The following TPD52 variants were observed in gnomAD, a reference collection of about 807,000 sequenced individuals.
TPD52 encodes tumor protein D52.
TPD52 carries 17 observed loss-of-function variants against 31.3 expected under a neutral mutation model. The observed-to-expected ratio is 0.54, with a 90% CI of 0.37 to 0.82. The LOEUF (loss-of-function observed/expected upper bound fraction) is 0.82, where lower values mean the gene tolerates loss of function less well. TPD52 is among the 40% of genes least tolerant of loss of function. The probability of loss-of-function intolerance (pLI) is 0.00; values close to 1 mark genes in which losing one functional copy is unlikely to be tolerated. For synonymous variants in TPD52, 83 were observed against 89.6 expected (o/e 0.93, Z 0.42); for missense variants, 212 against 240.1 (o/e 0.88, Z 0.77).
intron 1 of TPD52, among the ~76,000 whole-genome samples, chr8:80,069,203 C>A (rs1249670509): frequency 6.6e-6 from 1 of 152,202 alleles, no homozygotes; most frequent in Non-Finnish European, 1.5e-5. Flanking sequence ...GTGGTTCATA[C>A]CTGTAATCCC....
rs1810030279 is a variant in TPD52, at chr8:80,038,057, A to T, written c.*59T>A. ...ATTCATGGCAATGCATGTTGACAAG[A>T]TGTGCTTGGACCTCGCTTGCAGCAT... On this transcript the variant is annotated 3_prime_UTR_variant, in exon 8 of 8. Coordinates refer to ENST00000518937, the MANE Select transcript of TPD52 (RefSeq NM_001025253.3). 6.3e-7 allele frequency: 1 copy of T among 1,590,032 alleles called. No homozygotes were observed. Among genetic ancestry groups the T allele is most frequent in the Non-Finnish European group, 8.6e-7 (1 of 1,163,336 alleles).
intron 5 of TPD52, 42 bp from the exon 6 acceptor site, chr8:80,044,250 T>C (rs780719317): frequency 6.8e-7 from 1 of 1,463,142 alleles, no homozygotes; most frequent in Non-Finnish European, 9.2e-7. Flanking sequence ...AAGGTTAGTA[T>C]AGTGGTGCTT....
chr8:80,149,303 C>T (rs1033286421), intron 1 of TPD52, among the ~76,000 whole-genome samples: 6 of 152,202 alleles, frequency 3.9e-5, no homozygotes, highest in Non-Finnish European at 7.3e-5. Context: ...CCCCTGCACA[C>T]GCTCTCCTTG....
chr8:80,155,517 G>A (rs181741119), intron 1 of TPD52, among the ~76,000 whole-genome samples: 2 of 152,268 alleles, frequency 1.3e-5, no homozygotes, highest in Admixed American at 1.3e-4. Context: ...AGTGGAGGGG[G>A]ACTCGAGGCA....
chr8:80,067,761 A>G (rs16907430), intron 1 of TPD52, among the ~76,000 whole-genome samples: 6,449 of 151,724 alleles, frequency 0.043, 330 homozygotes, highest in African/African-American at 0.12. Context: ...AGAAGCAATA[A>G]TAAGACCCTA....
chr8:80,128,660 CAAATA>C (rs925375837), intron 1 of TPD52, among the ~76,000 whole-genome samples: 8 of 150,188 alleles, frequency 5.3e-5, no homozygotes, highest in Non-Finnish European at 1.0e-4. Context: ...GGCCCTGTCT[CAAATA>C]AAATAAAATA....
intron 1 of TPD52, among the ~76,000 whole-genome samples, chr8:80,090,301 G>C (rs1393792158): frequency 6.6e-6 from 1 of 152,140 alleles, no homozygotes; most frequent in Non-Finnish European, 1.5e-5. Context: ...CAGGAGGCTG[G>C]GTCAGAAGGG....
intron 1 of TPD52, among the ~76,000 whole-genome samples, chr8:80,114,180 A>G (rs115840793): frequency 0.022 from 3,285 of 152,250 alleles, 125 homozygotes; most frequent in African/African-American, 0.075. Flanking sequence ...TGGAGACTGC[A>G]GTGAGTGAAG....
chr8:80,100,069 T>G (rs1298932787), intron 1 of TPD52, among the ~76,000 whole-genome samples: 1 of 152,214 alleles, frequency 6.6e-6, no homozygotes, highest in Non-Finnish European at 1.5e-5. Context: ...ACATTTAACC[T>G]GCATGTTTAT....
chr8:80,102,901 C>T (rs1806846905), intron 1 of TPD52, among the ~76,000 whole-genome samples: 1 of 152,074 alleles, frequency 6.6e-6, no homozygotes, highest in South Asian at 2.1e-4. Flanking sequence ...ATAAAGTTTC[C>T]ACAAACAAAC....
intron 1 of TPD52, among the ~76,000 whole-genome samples, chr8:80,067,936 T>C (rs1813340681): frequency 6.6e-6 from 1 of 152,050 alleles, no homozygotes; most frequent in East Asian, 1.9e-4. Context: ...GAAAATAGAG[T>C]CTGGCTTTTG....
chr8:80,144,204 T>C (rs1278450102), intron 1 of TPD52, among the ~76,000 whole-genome samples: 1 of 152,224 alleles, frequency 6.6e-6, no homozygotes, highest in African/African-American at 2.4e-5. Context: ...TAATATTTTG[T>C]TCTTTTTCCT....
intron 1 of TPD52, among the ~76,000 whole-genome samples, chr8:80,135,162 A>C (rs916785539): frequency 1.3e-5 from 2 of 152,234 alleles, no homozygotes; most frequent in Non-Finnish European, 2.9e-5. Flanking sequence ...AGTGAATTTA[A>C]TTGTAAACGT....
At chr8:80,145,091 G>A (rs1201009361) in intron 1 of TPD52, among the ~76,000 whole-genome samples, 1 of 152,148 alleles carries the variant, frequency 6.6e-6, no homozygotes, top group Non-Finnish European at 1.5e-5. Flanking sequence ...TATCTGGGAA[G>A]CACTGGTGTT....
chr8:80,078,664 C>A (rs1814871920), intron 1 of TPD52, among the ~76,000 whole-genome samples: 1 of 152,074 alleles, frequency 6.6e-6, no homozygotes, highest in African/African-American at 2.4e-5. Context: ...GCTTGTTCAC[C>A]CTCTTTTCTT....
chr8:80,040,184 C>CTT lies in TPD52; in HGVS notation c.505-1950_505-1949insAA, dbSNP rs1563557956. Among the ~76,000 whole-genome samples the CTT allele has an allele frequency of 2.9e-3, 383 of 132,396 alleles. 18 individuals are homozygous for CTT. The highest frequency in any genetic ancestry group is 0.011 in the African/African-American group (366 of 32,404). 86.9% of individuals were successfully genotyped at this position (132,396 alleles called of 152,430 possible). A position where few individuals can be genotyped will look rare whatever the true frequency, so the allele number is the denominator to read the frequency against. ...TTGGGGTATCTGTTTAATACGCTAT[C>CTT]CTTTTTTTTTTTTTTTTTTTTTTTT... On this transcript the variant is annotated intron_variant, in intron 7 of 7. Transcript: ENST00000518937.
intron 2 of TPD52, among the ~76,000 whole-genome samples, chr8:80,060,363 T>C (rs1463935545): frequency 5.4e-5 from 8 of 149,140 alleles, no homozygotes; most frequent in East Asian, 2.0e-4. Context: ...AGTAAAGAGA[T>C]TGAACAAGTA....
chr8:80,141,652 C>T (rs1370232120), intron 1 of TPD52, among the ~76,000 whole-genome samples: 1 of 152,236 alleles, frequency 6.6e-6, no homozygotes. Flanking sequence ...GGGCTCACGC[C>T]TGTAATGCCA....
At chr8:80,069,992 T>C (rs1473317592) in intron 1 of TPD52, among the ~76,000 whole-genome samples, 1 of 152,224 alleles carries the variant, frequency 6.6e-6, no homozygotes, top group Non-Finnish European at 1.5e-5. Context: ...ACAGTCAATG[T>C]TAATATTGCA....
Sources: allele counts gnomAD v4.1 joint callset (sites outside exome capture counted in the v4.1 genomes callset), GRCh38; gene constraint gnomAD v4.1.1; transcripts MANE v1.5; gene names NCBI Gene and HGNC (gene_info 2026-07-23, HGNC 2026-07-21).